The following DZANK1 variants were observed in gnomAD, a reference collection of about 807,000 sequenced individuals.
DZANK1 encodes the protein double zinc ribbon and ankyrin repeat-containing protein 1.
A neutral mutation model predicts 94.5 loss-of-function variants in DZANK1; 91 were observed. That is an observed-to-expected ratio of 0.96 (90% CI 0.81 to 1.15). DZANK1 has a LOEUF of 1.15. DZANK1 is among the 50% of genes most tolerant of loss of function. The pLI is 0.00. For synonymous variants in DZANK1, 312 were observed against 325.3 expected (o/e 0.96, Z 0.44); for missense variants, 903 against 916.4 (o/e 0.99, Z 0.19).
intron 2 of DZANK1, among the ~76,000 whole-genome samples, chr20:18,462,670 C>T (rs6045419): frequency 0.059 from 8,951 of 152,158 alleles, 895 homozygotes; most frequent in African/African-American, 0.2. Flanking sequence ...AATTCAGCCA[C>T]TGTGGAAAGC....
At chr20:18,455,772 A>T (rs765264191) in intron 3 of DZANK1, among the ~76,000 whole-genome samples, 3 of 152,158 alleles carry the variant, frequency 2.0e-5, no homozygotes, top group Non-Finnish European at 4.4e-5. Flanking sequence ...CTCGCCACTC[A>T]TCACTCTCAC....
intron 6 of DZANK1, among the ~76,000 whole-genome samples, chr20:18,450,078 A>C (rs1242585371): frequency 4.5e-4 from 2 of 4,398 alleles, no homozygotes; most frequent in Non-Finnish European, 1.7e-3. Flanking sequence ...ACTCCGTCTC[A>C]AATAAATAAA....
At position 18,424,579 on chromosome 20, in the gene DZANK1, A is replaced by G. The variant is rs79495754; in HGVS notation, c.954+2488T>C. ...TATATTGCTAGTAGAAACACAAGTG[A>G]TATGCCAGCAATATATGAATGTATA... On this transcript the variant is annotated intron_variant, in intron 10 of 20. Transcript: ENST00000262547. 7.3e-3 allele frequency among the ~76,000 whole-genome samples: 1,114 copies of G among 152,314 alleles called. 15 individuals carry two copies. Among genetic ancestry groups the G allele is most frequent in the African/African-American group, 0.026 (1,078 of 41,572 alleles).
intron 4 of DZANK1, chr20:18,454,659 T>C (rs1392359041): frequency 6.5e-6 from 1 of 154,828 alleles, no homozygotes; most frequent in Non-Finnish European, 1.4e-5. Context: ...AAGAATTCTA[T>C]GCCCACTGAG....
chr20:18,459,188 T>TTA (rs1244793405), intron 3 of DZANK1, among the ~76,000 whole-genome samples: 3 of 152,372 alleles, frequency 2.0e-5, no homozygotes, highest in Admixed American at 6.5e-5. Context: ...TTGAGATGAC[T>TTA]TACCTTGATA....
At chr20:18,459,413 G>A (rs1027026779) in intron 3 of DZANK1, among the ~76,000 whole-genome samples, 6 of 152,256 alleles carry the variant, frequency 3.9e-5, no homozygotes, top group Non-Finnish European at 8.8e-5. Flanking sequence ...TCAGTGGGGG[G>A]TGGGGCTAGA....
rs563514690 is a variant in DZANK1 at position 18,426,239 on chromosome 20, A to G, written c.954+828T>C. On this transcript the variant is annotated intron_variant, in intron 10 of 20. Coordinates refer to ENST00000262547, the Ensembl canonical transcript of DZANK1. Reference sequence around the variant, plus strand: ...GAGGGATCTAGGTTGCGCGTTCCTTATAAGAATCTAACTCATGACTGATGA... The same window carrying G: ...GAGGGATCTAGGTTGCGCGTTCCTTGTAAGAATCTAACTCATGACTGATGA... 3.3e-5 allele frequency among the ~76,000 whole-genome samples: 5 copies of G among 152,296 alleles called. No individual in the cohort carries two copies. In the South Asian group the frequency reaches 6.2e-4, roughly 19 times the overall value.
At chr20:18,433,606 T>C in intron 9 of DZANK1, 46 bp downstream of exon 9, 1 of 1,563,174 alleles carries the variant, frequency 6.4e-7, no homozygotes, top group Non-Finnish European at 8.8e-7. Flanking sequence ...TGTTCAAACA[T>C]TACTATGTAT....
chr20:18,398,854 C>T (rs1048519321), intron 13 of DZANK1, among the ~76,000 whole-genome samples: 4 of 152,098 alleles, frequency 2.6e-5, no homozygotes, highest in African/African-American at 7.2e-5. Context: ...CAAAAGAGGC[C>T]GAGCATGGTG....
At chr20:18,413,979 C>G (rs926184750) in intron 12 of DZANK1, among the ~76,000 whole-genome samples, 2 of 152,096 alleles carry the variant, frequency 1.3e-5, no homozygotes, top group Non-Finnish European at 2.9e-5. Flanking sequence ...CTGAAAATAA[C>G]CTGGTGAGAT....
chr20:18,438,614 A>T (rs1388246822), intron 8 of DZANK1, among the ~76,000 whole-genome samples: 4 of 152,250 alleles, frequency 2.6e-5, no homozygotes, highest in Non-Finnish European at 5.9e-5. Flanking sequence ...GATGATAAGA[A>T]GGTCAATAGT....
In DZANK1 at chr20:18,398,672, C is replaced by T. The variant is rs148616789; in HGVS notation, c.1433-46G>A. ...CGCCATCTGGATGATTCTCCTGAGA[C>T]TAAGAAAGAAAAATGATAGCATGGA... On this transcript the variant is annotated intron_variant, in intron 13 of 20. Coordinates refer to ENST00000262547, the Ensembl canonical transcript of DZANK1. 183 of 1,553,760 alleles carry T rather than the reference C, an allele frequency of 1.2e-4. No individual in the cohort carries two copies. In the East Asian group the frequency reaches 3.5e-3, roughly 30 times the overall value.
At chr20:18,415,435 C>A in exon 11 of DZANK1, 1 of 1,550,900 alleles carries the variant, frequency 6.4e-7, no homozygotes, top group Non-Finnish European at 8.7e-7. Context: ...GGGCTTTATC[C>A]CCACTGCACA....
At chr20:18,422,796 G>GTTTTTT (rs2057847380) in intron 10 of DZANK1, among the ~76,000 whole-genome samples, 2 of 45,192 alleles carry the variant, frequency 4.4e-5, no homozygotes, top group African/African-American at 1.3e-4. Flanking sequence ...CTCTGGCTTT[G>GTTTTTT]TTCTTTTTTT....
At chr20:18,464,673 T>C (rs2059585088) in intron 2 of DZANK1, among the ~76,000 whole-genome samples, 1 of 138,710 alleles carries the variant, frequency 7.2e-6, no homozygotes, top group Non-Finnish European at 1.6e-5. Flanking sequence ...GGGACTTTTT[T>C]TTTTTTTTTT....
chr20:18,392,111 C>T (rs574027285), intron 17 of DZANK1, among the ~76,000 whole-genome samples: 2 of 152,214 alleles, frequency 1.3e-5, no homozygotes, highest in South Asian at 4.1e-4. Context: ...TGATACTTAT[C>T]CCCTAAGTGC....
intron 17 of DZANK1, 35 bp downstream of exon 17, chr20:18,393,676 G>A (rs2056149662): frequency 7.4e-7 from 1 of 1,356,246 alleles, no homozygotes; most frequent in Non-Finnish European, 1.0e-6. Context: ...ACAGGCTGAA[G>A]ACAACATCCA....
At chr20:18,465,149 C>T in intron 2 of DZANK1, 101 bp downstream of exon 2, 1 of 768,008 alleles carries the variant, frequency 1.3e-6, no homozygotes, top group Non-Finnish European at 2.0e-6. Flanking sequence ...AAAAGCTGAG[C>T]AAAGAGTGAG....
Position 18,389,688 on chromosome 20 carries a change from G to A in DZANK1, c.2018+13C>T, listed in dbSNP as rs781115603. The A allele has an allele frequency of 6.2e-7, 1 of 1,613,420 alleles. No individual in the cohort carries two copies. The highest frequency in any genetic ancestry group is 1.7e-5 in the Admixed American group (1 of 59,998). On this transcript the variant is annotated intron_variant, in intron 19 of 20. Coordinates refer to ENST00000262547, the Ensembl canonical transcript of DZANK1. The stretch of plus-strand genomic sequence containing the variant: ...CTGCTACCTTAGCTCTCCTTTCAAT[G>A]TGTTTCACTTACGGCCCCCACTGCT...
Sources: gnomAD v4.1 joint callset for allele counts (sites outside exome capture counted in the v4.1 genomes callset) on GRCh38, gnomAD v4.1.1 for gene constraint, MANE v1.5 for transcripts, NCBI Gene and HGNC (gene_info 2026-07-23, HGNC 2026-07-21) for gene names.